Variants in COL26A1 observed in about 807,000 individuals in gnomAD.
COL26A1 encodes collagen type XXVI alpha 1 chain.
A neutral mutation model predicts 59.3 loss-of-function variants in COL26A1; 41 were observed. The ratio of observed to expected loss-of-function variants is 0.69; its 90% CI spans 0.54 to 0.90. The LOEUF is 0.90. COL26A1 is among the 40% of genes least tolerant of loss of function. The pLI is 0.00. For missense variants in COL26A1, 612 were observed against 602.3 expected, an observed-to-expected ratio of 1.02 and a Z score of -0.17; for synonymous variants, 266 against 256.0, an observed-to-expected ratio of 1.04 and a Z score of -0.37.
At chr7:101,492,466 GCAGGAGGATCACCTGAGGT>G (rs1237671732) in intron 3 of COL26A1, among the ~76,000 whole-genome samples, 1 of 151,892 alleles carries the variant, frequency 6.6e-6, no homozygotes, top group Non-Finnish European at 1.5e-5. Flanking sequence ...GGAGACTGAG[GCAGGAGGATCACCTGAGGT>G]CAGGAGTTCA....
chr7:101,453,429 G>A (rs764195144), intron 3 of COL26A1, among the ~76,000 whole-genome samples: 5 of 152,186 alleles, frequency 3.3e-5, no homozygotes, highest in Admixed American at 6.5e-5. Flanking sequence ...CTGAAATGTC[G>A]TTATGTGGCA....
intron 1 of COL26A1, among the ~76,000 whole-genome samples, chr7:101,389,986 G>A (rs10254669): frequency 0.062 from 9,369 of 151,884 alleles, 660 homozygotes; most frequent in African/African-American, 0.16. Context: ...TGGATCTTTC[G>A]ATGCACAGAA....
chr7:101,482,895 T>G (rs1335683182), intron 3 of COL26A1, among the ~76,000 whole-genome samples: 1 of 152,100 alleles, frequency 6.6e-6, no homozygotes, highest in East Asian at 1.9e-4. Flanking sequence ...AGGCGGAGGT[T>G]GCAGTGAGAC....
At position 101,544,003 on chromosome 7, in the gene COL26A1, C is replaced by A; in HGVS notation, c.610C>A (p.Pro204Thr). Residue 204 changes from proline (P) to threonine (T), a missense_variant, in exon 6 of 13, where the codon CCG becomes ACG. Physicochemically the swap from Pro to Thr is conservative, Grantham distance 38 (BLOSUM62 -1). Coordinates refer to ENST00000313669, the MANE Select transcript of COL26A1 (RefSeq NM_001278563.3). ...QRRPTGPAGP[P>T]GQTGPPGPAG... ...CTGTCTCCTTCTCTCCCCAGGGCCCCCGGGGCAGACAGGACCACCAGGGCC... is the reference window on the plus strand; with the variant it reads ...CTGTCTCCTTCTCTCCCCAGGGCCCACGGGGCAGACAGGACCACCAGGGCC... The A allele has an allele frequency of 6.4e-7, 1 of 1,568,788 alleles. No individual in the cohort carries two copies. The highest frequency in any genetic ancestry group is 8.6e-7 in the Non-Finnish European group (1 of 1,157,204).
intron 3 of COL26A1, among the ~76,000 whole-genome samples, chr7:101,478,910 G>T (rs10229465): frequency 0.54 from 82,483 of 151,906 alleles, 24,081 homozygotes; most frequent in African/African-American, 0.75. Context: ...TGACAAAATA[G>T]TAGTAAGATC....
At chr7:101,458,047 C>T (rs1793520450) in intron 3 of COL26A1, among the ~76,000 whole-genome samples, 2 of 151,966 alleles carry the variant, frequency 1.3e-5, no homozygotes, top group Admixed American at 6.6e-5. Flanking sequence ...CAGGCACCCA[C>T]CAGCACACCT....
At chr7:101,519,807 C>T (rs1795103286) in intron 3 of COL26A1, among the ~76,000 whole-genome samples, 1 of 152,210 alleles carries the variant, frequency 6.6e-6, no homozygotes, top group South Asian at 2.1e-4. Context: ...AGTGTTCCCT[C>T]CTCTCTCCTC....
chr7:101,384,228 TG>T (rs1313017335), intron 1 of COL26A1, among the ~76,000 whole-genome samples: 1 of 136,230 alleles, frequency 7.3e-6, no homozygotes, highest in Non-Finnish European at 1.6e-5. Context: ...TTGTTCAGGC[TG>T]GTTTTTTTTT....
rs572856544 is a variant in COL26A1 at position 101,525,821 on chromosome 7, T to A, written c.386-7261T>A. ...CTTCATTCTTACTTAAGTTAGAAAGTGACCAAACGTAGAGACTTTCTTCCT... is the reference window on the plus strand; with the variant it reads ...CTTCATTCTTACTTAAGTTAGAAAGAGACCAAACGTAGAGACTTTCTTCCT... On this transcript the variant is annotated intron_variant, in intron 3 of 12. Transcript: ENST00000313669. Among the ~76,000 whole-genome samples the A allele has an allele frequency of 2.6e-5, 4 of 152,200 alleles. No individual in the cohort carries two copies. The South Asian group carries it at 8.3e-4, about 32-fold the overall frequency.
At chr7:101,425,104 T>TTAACCTG (rs1194401414) in intron 2 of COL26A1, among the ~76,000 whole-genome samples, 2 of 147,532 alleles carry the variant, frequency 1.4e-5, no homozygotes, top group Non-Finnish European at 1.5e-5. Flanking sequence ...AAAAAAATTT[T>TTAACCTG]GGCCAGGCGC....
intron 1 of COL26A1, among the ~76,000 whole-genome samples, chr7:101,414,680 G>T (rs543454676): frequency 2.6e-5 from 4 of 152,044 alleles, no homozygotes; most frequent in Non-Finnish European, 5.9e-5. Flanking sequence ...CATGTGATCC[G>T]CCCATCTCGG....
chr7:101,527,257 C>T (rs577625294), intron 3 of COL26A1, among the ~76,000 whole-genome samples: 1 of 152,272 alleles, frequency 6.6e-6, no homozygotes, highest in East Asian at 1.9e-4. Context: ...ACGCATGAGC[C>T]ACCCCACCTG....
intron 2 of COL26A1, among the ~76,000 whole-genome samples, chr7:101,442,284 C>T (rs115003847): frequency 0.017 from 2,533 of 152,048 alleles, 75 homozygotes; most frequent in African/African-American, 0.056. Flanking sequence ...GGCAGATCTG[C>T]GGCAGCAAGA....
intron 3 of COL26A1, among the ~76,000 whole-genome samples, chr7:101,463,869 T>TTTTCTTTCTTTCTTTCTTTCTTTCTTTC (rs566945352): frequency 1.4e-3 from 126 of 91,722 alleles, no homozygotes; most frequent in South Asian, 2.4e-3. Flanking sequence ...CTCTTTTTTC[T>TTTTCTTTCTTTCTTTCTTTCTTTCTTTC]TTTCTTTCTT....
intron 3 of COL26A1, among the ~76,000 whole-genome samples, chr7:101,526,079 G>A (rs763718992): frequency 3.3e-5 from 5 of 150,212 alleles, no homozygotes; most frequent in Admixed American, 6.6e-5. Flanking sequence ...ACAGAGTTTC[G>A]CTCTTGTTGC....
chr7:101,441,820 G>T (rs1334318873), intron 2 of COL26A1, among the ~76,000 whole-genome samples: 2 of 152,152 alleles, frequency 1.3e-5, no homozygotes, highest in African/African-American at 2.4e-5. Context: ...GAAGGGTGTG[G>T]GTTGGGAGGA....
In COL26A1 at chr7:101,466,837, T is replaced by TGAGA. The variant is rs1554416674; in HGVS notation, c.385+19059_385+19062dup. Among the ~76,000 whole-genome samples the TGAGA allele has an allele frequency of 1.2e-3, 151 of 122,674 alleles. 3 individuals are homozygous for TGAGA. The highest frequency in any genetic ancestry group is 2.4e-3 in the East Asian group (11 of 4,608). The allele number at this position is 122,674 out of a possible 152,430, so 80.5% of individuals were successfully genotyped here. On this transcript the variant is annotated intron_variant, in intron 3 of 12. Coordinates refer to ENST00000313669, the MANE Select transcript of COL26A1 (RefSeq NM_001278563.3). Reference sequence around the variant, plus strand: ...GTGTGTGTGTGTGTGTGTGTGTGTGTGAGAGAGAGAGATTCAGTCTCTGCC... The same window carrying TGAGA: ...GTGTGTGTGTGTGTGTGTGTGTGTGTGAGAGAGAGAGAGAGATTCAGTCTCTGCC...
chr7:101,496,496 G>A (rs1476285923), intron 3 of COL26A1, among the ~76,000 whole-genome samples: 1 of 152,154 alleles, frequency 6.6e-6, no homozygotes, highest in Non-Finnish European at 1.5e-5. Context: ...AGAGTGCAGG[G>A]CGAGGTCCTG....
At chr7:101,513,228 G>C (rs1430844245) in intron 3 of COL26A1, among the ~76,000 whole-genome samples, 1 of 150,536 alleles carries the variant, frequency 6.6e-6, no homozygotes, top group Non-Finnish European at 1.5e-5. Context: ...GGCTGGTCTC[G>C]AACTCCTGAC....
Sources: gnomAD v4.1 joint callset for allele counts (sites outside exome capture counted in the v4.1 genomes callset) on GRCh38, gnomAD v4.1.1 for gene constraint, MANE v1.5 for transcripts, NCBI Gene and HGNC (gene_info 2026-07-23, HGNC 2026-07-21) for gene names.